The following FBRSL1 variants were observed in gnomAD, a reference collection of about 807,000 sequenced individuals.
FBRSL1 encodes fibrosin-1-like protein.
A neutral mutation model predicts 89.6 loss-of-function variants in FBRSL1; 51 were observed. The ratio of observed to expected loss-of-function variants is 0.57; its 90% CI spans 0.45 to 0.72. The LOEUF (loss-of-function observed/expected upper bound fraction) is 0.72. Among genes scored for constraint, FBRSL1 ranks in the 30% least tolerant of loss-of-function variants. The pLI, the probability that FBRSL1 is intolerant of heterozygous loss-of-function variation, is 0.00. For synonymous variants in FBRSL1, 779 were observed against 681.1 expected (o/e 1.14, Z -2.24); for missense variants, 1,618 against 1,451.8 (o/e 1.11, Z -1.86).
At position 132,583,493 on chromosome 12, in the gene FBRSL1, G is replaced by T. The variant is rs1362918729; in HGVS notation, c.2724G>T (p.Pro908=). ...LRGELERARA[P]HLPPAAPALD... Reference sequence around the variant, plus strand: ...GGGAGCTGGAGCGCGCGCGGGCCCCGCACCTGCCGCCCGCCGCCCCCGCCT... The same window carrying T: ...GGGAGCTGGAGCGCGCGCGGGCCCCTCACCTGCCGCCCGCCGCCCCCGCCT... Residue 908 remains proline (P), a synonymous_variant, in exon 19 of 19, where the codon CCG becomes CCT. Coordinates refer to ENST00000680143, the MANE Select transcript of FBRSL1 (RefSeq NM_001367871.1). 9.6e-7 allele frequency: 1 copy of T among 1,046,126 alleles called. No homozygotes were observed. Among genetic ancestry groups the T allele is most frequent in the Non-Finnish European group, 1.2e-6 (1 of 868,856 alleles). The allele number at this position is 1,046,126 out of a possible 1,614,324, so 64.8% of individuals were successfully genotyped here.
chr12:132,492,011 C>T (rs184039864), intron 1 of FBRSL1, among the ~76,000 whole-genome samples: 21 of 152,340 alleles, frequency 1.4e-4, no homozygotes, highest in Non-Finnish European at 2.1e-4. Context: ...GGCTGGCACA[C>T]GCCATTGCTC....
intron 5 of FBRSL1, among the ~76,000 whole-genome samples, chr12:132,560,958 C>T (rs2039074717): frequency 6.6e-6 from 1 of 152,116 alleles, no homozygotes; most frequent in South Asian, 2.1e-4. Flanking sequence ...GAAGCCCTGT[C>T]CTAGAAGGGA....
intron 5 of FBRSL1, among the ~76,000 whole-genome samples, chr12:132,564,495 C>T (rs1179796819): frequency 4.0e-5 from 6 of 151,760 alleles, no homozygotes; most frequent in Non-Finnish European, 7.4e-5. Flanking sequence ...TGCCCTCGCC[C>T]TCCAAGGTTT....
At chr12:132,551,081 G>A (rs7137400) in intron 5 of FBRSL1, 31,821 of 310,666 alleles carry the variant, frequency 0.1, 2,559 homozygotes, top group African/African-American at 0.24. Context: ...GTGCGAGGCC[G>A]GCACCCCTGC....
rs937560894 is a variant in FBRSL1, at chr12:132,510,437, T to C, written c.489+2087T>C. The C allele has an allele frequency of 4.9e-6, 6 of 1,231,928 alleles. No homozygotes were observed. The East Asian group carries it at 1.6e-4, about 32-fold the overall frequency. The allele number at this position is 1,231,928 out of a possible 1,614,324, so 76.3% of individuals were successfully genotyped here. On this transcript the variant is annotated intron_variant, in intron 2 of 18. Coordinates refer to ENST00000680143, the MANE Select transcript of FBRSL1 (RefSeq NM_001367871.1). The stretch of plus-strand genomic sequence containing the variant: ...CCCGTCAGGCCCCATCTGTGAGCCC[T>C]GGAGCCTGATGCCTGCAGGCACCTC...
intron 14 of FBRSL1, among the ~76,000 whole-genome samples, chr12:132,575,348 C>T (rs1164479436): frequency 1.3e-5 from 2 of 152,236 alleles, no homozygotes; most frequent in Non-Finnish European, 2.9e-5. Context: ...CTACCTCGGC[C>T]TCCCGAGTAG....
At chr12:132,567,364 C>T (rs1458851593) in intron 5 of FBRSL1, 117 bp from the exon 6 acceptor site, 4 of 951,826 alleles carry the variant, frequency 4.2e-6, no homozygotes, top group East Asian at 2.6e-5. Context: ...TCCACAAGGG[C>T]ACATCCCGCC....
chr12:132,501,327 G>T (rs2032928360), intron 1 of FBRSL1, among the ~76,000 whole-genome samples: 1 of 152,232 alleles, frequency 6.6e-6, no homozygotes, highest in Non-Finnish European at 1.5e-5. Context: ...CGCGCCCCAG[G>T]CCTGTGGCTT....
chr12:132,583,830 C>T lies in FBRSL1; in HGVS notation c.*52C>T, dbSNP rs981716573. On this transcript the variant is annotated 3_prime_UTR_variant, in exon 19 of 19. Transcript: ENST00000680143. ...GCGGAGCGCACCGCTGTCCGTCTCT[C>T]CATCAGTTCCTAGAACTCAAGCACA... is the stretch of plus-strand genomic sequence containing the variant. 1 of 1,064,454 alleles carries T rather than the reference C, an allele frequency of 9.4e-7. No homozygotes were observed. The highest frequency in any genetic ancestry group is 1.7e-5 in the African/African-American group (1 of 60,170). The allele number at this position is 1,064,454 out of a possible 1,614,324, so 65.9% of individuals were successfully genotyped here. A position where few individuals can be genotyped will look rare whatever the true frequency, so the allele number is the denominator to read the frequency against.
At chr12:132,575,717 C>T (rs2040343377) in intron 14 of FBRSL1, among the ~76,000 whole-genome samples, 1 of 152,268 alleles carries the variant, frequency 6.6e-6, no homozygotes. Flanking sequence ...GGCCGGCGGT[C>T]CAGGGAGAGG....
At chr12:132,519,422 G>C (rs2035151412) in intron 2 of FBRSL1, among the ~76,000 whole-genome samples, 1 of 152,196 alleles carries the variant, frequency 6.6e-6, no homozygotes, top group African/African-American at 2.4e-5. Context: ...CTAATACCAG[G>C]GTCCTGGAGA....
intron 15 of FBRSL1, 98 bp from the exon 16 acceptor site, chr12:132,581,341 T>C (rs2040734015): frequency 4.5e-6 from 7 of 1,545,560 alleles, no homozygotes; most frequent in Non-Finnish European, 5.2e-6. Flanking sequence ...AGGTGAAGGT[T>C]CACAGAGGAA....
Position 132,569,929 on chromosome 12 carries a change from C to T in FBRSL1, c.695C>T (p.Pro232Leu). ...KLFAPGTDKGPALEKSEAKAG... is the reference protein window; with the variant it reads ...KLFAPGTDKGLALEKSEAKAG... ...CGCAGCCACCCTCTCTCTGCAGGCCCAGCGCTTGAGAAGTCGGAGGCCAAG... is the reference window on the plus strand; with the variant it reads ...CGCAGCCACCCTCTCTCTGCAGGCCTAGCGCTTGAGAAGTCGGAGGCCAAG... The change falls in exon 7 of 19, where the codon CCA (proline) becomes CTA (leucine). Residue 232 changes from proline to leucine, a missense_variant. Coordinates refer to ENST00000680143, the MANE Select transcript of FBRSL1 (RefSeq NM_001367871.1). The T allele has an allele frequency of 1.4e-6, 2 of 1,404,442 alleles. No homozygotes were observed. The highest frequency in any genetic ancestry group is 1.8e-6 in the Non-Finnish European group (2 of 1,085,254). The allele number at this position is 1,404,442 out of a possible 1,614,324, so 87.0% of individuals were successfully genotyped here.
rs576353492 is a variant in FBRSL1, at chr12:132,525,261, G to A, written c.490-473G>A. Among the ~76,000 whole-genome samples the A allele has an allele frequency of 5.9e-5, 9 of 152,360 alleles. 1 individual carries two copies. The South Asian group carries it at 1.9e-3, about 32-fold the overall frequency. On this transcript the variant is annotated intron_variant, in intron 2 of 18. Coordinates refer to ENST00000680143, the MANE Select transcript of FBRSL1 (RefSeq NM_001367871.1). ...GGGCACAGCCAGGGGACAGTGGGTG[G>A]CACTGAGGCTCGACCTGGAGGTCAT...
At chr12:132,532,336 T>A (rs1296306646) in intron 4 of FBRSL1, among the ~76,000 whole-genome samples, 1 of 152,138 alleles carries the variant, frequency 6.6e-6, no homozygotes, top group Non-Finnish European at 1.5e-5. Context: ...GACTGGGAGC[T>A]GAGACCCTCA....
chr12:132,518,553 T>C (rs2035055668), intron 2 of FBRSL1, among the ~76,000 whole-genome samples: 1 of 146,168 alleles, frequency 6.8e-6, no homozygotes, highest in African/African-American at 2.6e-5. Flanking sequence ...CATCCACTTG[T>C]GCATCCATCC....
At position 132,504,119 on chromosome 12, in the gene FBRSL1, G is replaced by A. The variant is rs77001795; in HGVS notation, c.292-4034G>A. On this transcript the variant is annotated intron_variant, in intron 1 of 18. Coordinates refer to ENST00000680143, the MANE Select transcript of FBRSL1 (RefSeq NM_001367871.1). Reference sequence around the variant, plus strand: ...GAGGTCTTGGGTAGGTGGTTCTCCAGAGCCTCCTGCCTGGTGCCAAGGAGG... The same window carrying A: ...GAGGTCTTGGGTAGGTGGTTCTCCAAAGCCTCCTGCCTGGTGCCAAGGAGG... Among the ~76,000 whole-genome samples, 965 of 152,240 alleles carry A rather than the reference G, an allele frequency of 6.3e-3. 9 individuals are homozygous for A. The highest frequency in any genetic ancestry group is 0.022 in the African/African-American group (920 of 41,536).
intron 2 of FBRSL1, among the ~76,000 whole-genome samples, chr12:132,514,155 G>A (rs1030396742): frequency 6.6e-6 from 1 of 152,234 alleles, no homozygotes; most frequent in Admixed American, 6.5e-5. Flanking sequence ...TCCGTGTGTG[G>A]GGAGACAGGC....
chr12:132,576,692 C>A, intron 14 of FBRSL1, 107 bp from the exon 15 acceptor site: 1 of 1,305,508 alleles, frequency 7.7e-7, no homozygotes. Context: ...ACCTGCTCCC[C>A]TTACTGGACT....
Sources: allele counts gnomAD v4.1 joint callset (sites outside exome capture counted in the v4.1 genomes callset), GRCh38; gene constraint gnomAD v4.1.1; transcripts MANE v1.5; gene names NCBI Gene and HGNC (gene_info 2026-07-23, HGNC 2026-07-21).